Variants in JADE3 observed in about 807,000 individuals in gnomAD.
JADE3 encodes the protein jade family PHD finger 3.
JADE3 carries 2 observed loss-of-function variants against 50.1 expected under a neutral mutation model. The ratio of observed to expected loss-of-function variants is 0.04; its 90% confidence interval spans 0.02 to 0.13. The LOEUF (loss-of-function observed/expected upper bound fraction) is 0.13, where lower values mean the gene tolerates loss of function less well. JADE3 is among the 10% of genes least tolerant of loss of function. The probability of loss-of-function intolerance (pLI) is 1.00; values close to 1 mark genes in which losing one functional copy is unlikely to be tolerated. For synonymous variants in JADE3, 218 were observed against 232.9 expected, an observed-to-expected ratio of 0.94 and a Z score of 0.58; for missense variants, 475 against 634.4, an observed-to-expected ratio of 0.75 and a Z score of 2.70.
At chrX:46,940,938 A>G (rs933380313) in intron 1 of JADE3, among the ~76,000 whole-genome samples, 1 of 111,930 alleles carries the variant, frequency 8.9e-6, no homozygotes, top group African/African-American at 3.2e-5. Flanking sequence ...TTAAAAATAT[A>G]ATTTCAGCTT....
intron 1 of JADE3, among the ~76,000 whole-genome samples, chrX:46,937,422 TTGA>T (rs1336164850): frequency 9.0e-6 from 1 of 111,675 alleles, no homozygotes; most frequent in Non-Finnish European, 1.9e-5. Context: ...GTAATGACGG[TTGA>T]TGATGGTGTT....
intron 4 of JADE3, among the ~76,000 whole-genome samples, chrX:47,010,440 C>A (rs1928532592): frequency 9.0e-6 from 1 of 111,395 alleles, no homozygotes; most frequent in Admixed American, 9.5e-5. Flanking sequence ...GTTGGTCAGG[C>A]TGGTCTCGAA....
chrX:47,018,871 C>T (rs189425950), intron 4 of JADE3, among the ~76,000 whole-genome samples: 7 of 111,646 alleles, frequency 6.3e-5, no homozygotes, highest in Admixed American at 1.9e-4. Flanking sequence ...AGTGACCCAA[C>T]AGCTGGGCAC....
intron 3 of JADE3, among the ~76,000 whole-genome samples, chrX:46,992,306 C>A (rs1443125884): frequency 1.8e-5 from 2 of 109,040 alleles, no homozygotes; most frequent in African/African-American, 6.7e-5. Context: ...GCCCTGCCCC[C>A]ACCCCAGCTT....
At chrX:46,914,521 C>G in intron 1 of JADE3, among the ~76,000 whole-genome samples, 2 of 112,164 alleles carry the variant, frequency 1.8e-5, no homozygotes, top group Admixed American at 1.9e-4. Context: ...ATAATACCCT[C>G]TCTTCAAGGA....
chrX:46,991,779 T>C (rs1368074332), intron 3 of JADE3, among the ~76,000 whole-genome samples: 4 of 111,847 alleles, frequency 3.6e-5, no homozygotes, highest in African/African-American at 1.3e-4. Context: ...CAAGGTCTCT[T>C]TGTGCTTGTC....
At chrX:46,996,286 C>G (rs1480331683) in intron 3 of JADE3, among the ~76,000 whole-genome samples, 1 of 111,924 alleles carries the variant, frequency 8.9e-6, no homozygotes, top group Non-Finnish European at 1.9e-5. Flanking sequence ...CCACCCACCT[C>G]GGACTCCCAA....
At chrX:46,940,477 T>A (rs1343127011) in intron 1 of JADE3, among the ~76,000 whole-genome samples, 1 of 112,000 alleles carries the variant, frequency 8.9e-6, no homozygotes, top group Non-Finnish European at 1.9e-5. Context: ...TTCTGTGTTT[T>A]CCTGGTTATA....
At chrX:47,038,670 A>AG (rs1394178382) in intron 7 of JADE3, among the ~76,000 whole-genome samples, 1,858 of 104,842 alleles carry the variant, frequency 0.018, 38 homozygotes, top group African/African-American at 0.058. Flanking sequence ...AAAAAAAAAA[A>AG]AAGAAGAAAG....
At chrX:47,047,328 C>T (rs1337155740) in intron 8 of JADE3, among the ~76,000 whole-genome samples, 1 of 111,701 alleles carries the variant, frequency 9.0e-6, no homozygotes, top group Non-Finnish European at 1.9e-5. Context: ...GAGCAGATCA[C>T]CTGAGGCCAG....
At chrX:46,988,451 C>A (rs1294492944) in intron 3 of JADE3, among the ~76,000 whole-genome samples, 2 of 110,922 alleles carry the variant, frequency 1.8e-5, no homozygotes, top group Non-Finnish European at 3.8e-5. Context: ...AACCAGTATG[C>A]ATTGGACATA....
chrX:46,938,280 G>A (rs1203746159), intron 1 of JADE3, among the ~76,000 whole-genome samples: 7 of 109,746 alleles, frequency 6.4e-5, no homozygotes, highest in Admixed American at 5.8e-4. Flanking sequence ...TTTTGGTTAT[G>A]TGAACATTTT....
chrX:47,022,912 T>C (rs782375268), intron 4 of JADE3, among the ~76,000 whole-genome samples: 6 of 111,263 alleles, frequency 5.4e-5, no homozygotes, highest in Non-Finnish European at 1.1e-4. Flanking sequence ...GTTGCTATTG[T>C]TTATGGTTGG....
At chrX:46,917,702 G>C (rs900598805) in intron 1 of JADE3, among the ~76,000 whole-genome samples, 28 of 110,044 alleles carry the variant, frequency 2.5e-4, no homozygotes, top group Non-Finnish European at 5.3e-4. Flanking sequence ...AAGATTGACA[G>C]GGCCTTACGG....
At chrX:46,932,703 C>G (rs782401679) in intron 1 of JADE3, among the ~76,000 whole-genome samples, 1 of 112,006 alleles carries the variant, frequency 8.9e-6, no homozygotes, top group East Asian at 2.8e-4. Flanking sequence ...CTTCAAATAC[C>G]TTTGTGATCA....
chrX:46,936,926 CTGT>C (rs1383603656), intron 1 of JADE3, among the ~76,000 whole-genome samples: 2 of 111,637 alleles, frequency 1.8e-5, no homozygotes, highest in African/African-American at 6.5e-5. Flanking sequence ...CGATTTTTCT[CTGT>C]TGTTTTTCTG....
intron 5 of JADE3, among the ~76,000 whole-genome samples, chrX:47,026,388 G>C (rs1402044438): frequency 8.9e-6 from 1 of 111,748 alleles, no homozygotes; most frequent in African/African-American, 3.3e-5. Context: ...CACAGTTTCA[G>C]TTCCCCTAAT....
Position 47,024,705 on chromosome X carries a change from C to T in JADE3, c.285-19C>T. ...GTCATTTGTTGATTGTTATCATTGT[C>T]TTTCTGTTGCTTTTCTAGGATTATA... On this transcript the variant is annotated intron_variant, in intron 4 of 10. Coordinates refer to ENST00000614628, the MANE Select transcript of JADE3 (RefSeq NM_014735.5). 9.2e-7 allele frequency: 1 copy of T among 1,081,636 alleles called. No individual in the cohort carries two copies. Among genetic ancestry groups the T allele is most frequent in the East Asian group, 3.1e-5 (1 of 32,206 alleles). The allele number at this position is 1,081,636 out of a possible 1,213,427, so 89.1% of individuals were successfully genotyped here.
At chrX:46,924,751 T>C (rs1461642554) in intron 1 of JADE3, among the ~76,000 whole-genome samples, 2 of 112,587 alleles carry the variant, frequency 1.8e-5, no homozygotes, top group Middle Eastern at 4.6e-3. Flanking sequence ...ATTATACGTT[T>C]GTCTTGCTTT....
Sources: allele counts gnomAD v4.1 joint callset (sites outside exome capture counted in the v4.1 genomes callset), GRCh38; gene constraint gnomAD v4.1.1; transcripts MANE v1.5; gene names NCBI Gene and HGNC (gene_info 2026-07-23, HGNC 2026-07-21).